The following SLC9C2 variants were observed in gnomAD, a reference collection of about 807,000 sequenced individuals.
The protein encoded by SLC9C2 is sodium/hydrogen exchanger 11.
SLC9C2 carries 75 observed loss-of-function variants against 140.2 expected under a neutral mutation model. The observed-to-expected ratio is 0.53, with a 90% CI of 0.44 to 0.65. SLC9C2 has a LOEUF of 0.65. Among genes scored for constraint, SLC9C2 ranks in the 30% least tolerant of loss-of-function variants. The pLI is 0.00. For missense variants in SLC9C2, 1,074 were observed against 1,331.8 expected (o/e 0.81, Z 3.01); for synonymous variants, 375 against 420.9 (o/e 0.89, Z 1.34).
At chr1:173,574,683 T>C (rs1181224338) in intron 8 of SLC9C2, among the ~76,000 whole-genome samples, 1 of 151,572 alleles carries the variant, frequency 6.6e-6, no homozygotes, top group African/African-American at 2.4e-5. Context: ...GCTAATTTTT[T>C]GTATTTTTAG....
chr1:173,508,017 C>G (rs527296305), intron 24 of SLC9C2, among the ~76,000 whole-genome samples: 1 of 152,266 alleles, frequency 6.6e-6, no homozygotes, highest in Non-Finnish European at 1.5e-5. Flanking sequence ...TCTCCACCCC[C>G]ATTCAGGGCA....
rs372859790 is a variant in SLC9C2, at chr1:173,529,954, T to A, written c.2264A>T (p.Asp755Val). Residue 755 changes from aspartate (D) to valine (V), a missense_variant, in exon 18 of 28, where the codon GAT becomes GTT. By Grantham distance (152) the Asp-to-Val change is radical. Coordinates refer to ENST00000367714, the MANE Select transcript of SLC9C2 (RefSeq NM_178527.4). ...TATTTGTTTTATTAGAAGTTTGGCA[T>A]CTTCTTGACTTTTGATATAGCCTTT... is the stretch of plus-strand genomic sequence containing the variant. Reference protein sequence around the residue: ...ITKGYIKSQEDAKLLIKQIAV... With the variant: ...ITKGYIKSQEVAKLLIKQIAV... 1 of 1,612,598 alleles carries A rather than the reference T, an allele frequency of 6.2e-7. No homozygotes were observed. The highest frequency in any genetic ancestry group is 8.5e-7 in the Non-Finnish European group (1 of 1,179,696).
intron 3 of SLC9C2, among the ~76,000 whole-genome samples, chr1:173,598,986 A>G (rs1666600512): frequency 6.6e-6 from 1 of 152,244 alleles, no homozygotes; most frequent in African/African-American, 2.4e-5. Flanking sequence ...TAGGTTAATG[A>G]ATGAATGAAT....
At chr1:173,530,091 T>G in intron 17 of SLC9C2, 37 bp from the exon 18 acceptor site, 1 of 1,556,324 alleles carries the variant, frequency 6.4e-7, no homozygotes, top group Non-Finnish European at 8.6e-7. Context: ...AACCTGTACA[T>G]TTGATGAGGA....
chr1:173,523,342 A>G (rs946887644), intron 21 of SLC9C2, among the ~76,000 whole-genome samples: 2 of 152,226 alleles, frequency 1.3e-5, no homozygotes, highest in Non-Finnish European at 2.9e-5. Flanking sequence ...ACTGCACTCC[A>G]GCCTGGGCGG....
chr1:173,549,061 G>A (rs1663070949), intron 11 of SLC9C2, among the ~76,000 whole-genome samples: 1 of 152,276 alleles, frequency 6.6e-6, no homozygotes, highest in African/African-American at 2.4e-5. Flanking sequence ...GAATCAATAT[G>A]TTCAAAATTT....
chr1:173,534,671 A>T lies in SLC9C2; in HGVS notation c.1787T>A (p.Phe596Tyr). 4 of 1,509,194 alleles carry T rather than the reference A, an allele frequency of 2.7e-6. No homozygotes were observed. Among genetic ancestry groups the T allele is most frequent in the Non-Finnish European group, 3.6e-6 (4 of 1,123,426 alleles). 93.5% of individuals were successfully genotyped at this position (1,509,194 alleles called of 1,614,324 possible). ...TACTATGTGAAATATAAAAGTCAGA[A>T]ATGTATTACTCCTGAAAAGAGATCA... The part of the protein sequence containing the change: ...IHFIPPESNT[F>Y]LTFIFHIVFS... Residue 596 changes from phenylalanine to tyrosine, a missense_variant, in exon 16 of 28, where the codon TTT becomes TAT. Transcript: ENST00000367714.
intron 25 of SLC9C2, among the ~76,000 whole-genome samples, chr1:173,505,854 A>G (rs1323342182): frequency 6.6e-6 from 1 of 152,136 alleles, no homozygotes; most frequent in Non-Finnish European, 1.5e-5. Context: ...TCTTACCATG[A>G]AGGAAATTGA....
chr1:173,521,994 C>G (rs1003827531), intron 21 of SLC9C2, among the ~76,000 whole-genome samples: 2 of 151,378 alleles, frequency 1.3e-5, no homozygotes, highest in African/African-American at 4.9e-5. Flanking sequence ...GTCAGGAGAT[C>G]GAGACCATCC....
At chr1:173,538,316 C>T (rs1662121668) in intron 13 of SLC9C2, among the ~76,000 whole-genome samples, 1 of 152,192 alleles carries the variant, frequency 6.6e-6, no homozygotes, top group South Asian at 2.1e-4. Context: ...TGAGGCCTAC[C>T]TCCAGTGTTT....
chr1:173,535,099 CA>C lies in SLC9C2; in HGVS notation c.1776-418del, dbSNP rs374387396. ...TCATTCCATCTAATGTACAGCATGA[CA>C]AAAAGAAATTCTTTGGATATATGTC... On this transcript the variant is annotated intron_variant, in intron 15 of 27. Coordinates refer to ENST00000367714, the MANE Select transcript of SLC9C2 (RefSeq NM_178527.4). Among the ~76,000 whole-genome samples, 520 of 152,002 alleles carry C rather than the reference CA, an allele frequency of 3.4e-3. 27 individuals carry two copies. The East Asian group carries it at 0.086, about 25-fold the overall frequency.
Position 173,557,428 on chromosome 1 carries a change from G to A in SLC9C2, c.1127C>T (p.Thr376Met), listed in dbSNP as rs756767607. 3.1e-6 allele frequency: 5 copies of A among 1,613,614 alleles called. No homozygotes were observed. In the South Asian group the frequency reaches 3.3e-5, roughly 11 times the overall value. ...AAAAACTCCTTTAATTCCAGACCAC[G>A]TGATTACAACTCCCCATCGCCAATT... is the stretch of plus-strand genomic sequence containing the variant. The part of the protein sequence containing the change: ...EYNWRWGVVI[T>M]WSGIKGVFNL... The change falls in exon 10 of 28, where the codon ACG becomes ATG. Residue 376 changes from threonine to methionine, a missense_variant. Transcript: ENST00000367714.
Position 173,601,857 on chromosome 1 carries a change from T to G in SLC9C2, c.-79-2A>C. 2 of 1,507,106 alleles carry G rather than the reference T, an allele frequency of 1.3e-6. No individual in the cohort carries two copies. The highest frequency in any genetic ancestry group is 1.8e-6 in the Non-Finnish European group (2 of 1,111,888). The allele number at this position is 1,507,106 out of a possible 1,614,324, so 93.4% of individuals were successfully genotyped here. A position where few individuals can be genotyped will look rare whatever the true frequency, so the allele number is the denominator to read the frequency against. ...ACACTTTCACTTCTGCATGCTAACC[T>G]GTATAGCATGCAAAAAGAACATGAG... On this transcript the variant is annotated splice_acceptor_variant, in intron 1 of 27. Coordinates refer to ENST00000367714, the MANE Select transcript of SLC9C2 (RefSeq NM_178527.4). LOFTEE classifies it low-confidence loss of function (5UTR_SPLICE).
At chr1:173,578,075 A>T (rs1441716553) in intron 7 of SLC9C2, among the ~76,000 whole-genome samples, 1 of 152,218 alleles carries the variant, frequency 6.6e-6, no homozygotes, top group Non-Finnish European at 1.5e-5. Flanking sequence ...TTTTAAAACA[A>T]TTATAAAGAT....
At chr1:173,577,033 A>G (rs1260429526) in intron 7 of SLC9C2, among the ~76,000 whole-genome samples, 1 of 152,250 alleles carries the variant, frequency 6.6e-6, no homozygotes, top group Non-Finnish European at 1.5e-5. Context: ...AGCCATAGAT[A>G]ATATGTAAAT....
chr1:173,588,256 A>C (rs1004312825), intron 4 of SLC9C2, among the ~76,000 whole-genome samples: 4 of 152,194 alleles, frequency 2.6e-5, no homozygotes, highest in Non-Finnish European at 5.9e-5. Context: ...ACCTTTTATT[A>C]GTTGTAAAAT....
Position 173,524,699 on chromosome 1 carries a change from TCAA to T in SLC9C2, c.2514+77_2514+79del. On this transcript the variant is annotated intron_variant, in intron 20 of 27. Transcript: ENST00000367714. Reference sequence around the variant, plus strand: ...TAACACCTGTGGTTAAACAATTTTTTCAATCTCCCTCCTTATTACACACTGCTA... The same window carrying T: ...TAACACCTGTGGTTAAACAATTTTTTTCTCCCTCCTTATTACACACTGCTA... The T allele has an allele frequency of 3.3e-6, 5 of 1,495,740 alleles. No homozygotes were observed. The Admixed American group carries it at 6.0e-5, about 18-fold the overall frequency. 92.7% of individuals were successfully genotyped at this position (1,495,740 alleles called of 1,614,324 possible). A position where few individuals can be genotyped will look rare whatever the true frequency, so the allele number is the denominator to read the frequency against.
chr1:173,565,775 T>C (rs1056124695), intron 9 of SLC9C2, among the ~76,000 whole-genome samples: 3 of 152,236 alleles, frequency 2.0e-5, no homozygotes, highest in Non-Finnish European at 4.4e-5. Context: ...AGAGGTTGCA[T>C]TGAATCTCTA....
At position 173,586,503 on chromosome 1, in the gene SLC9C2, G is replaced by A. The variant is rs952906430; in HGVS notation, c.523+1162C>T. ...ACTGCTGTGTTAATAAAACCTGACC[G>A]TTTGACCCAGCAATCCCATTACTGG... is the stretch of plus-strand genomic sequence containing the variant. On this transcript the variant is annotated intron_variant, in intron 5 of 27. Coordinates refer to ENST00000367714, the MANE Select transcript of SLC9C2 (RefSeq NM_178527.4). Among the ~76,000 whole-genome samples the A allele has an allele frequency of 3.3e-5, 5 of 152,082 alleles. No individual in the cohort carries two copies. The South Asian group carries it at 1.0e-3, about 32-fold the overall frequency.
Sources: gnomAD v4.1 joint callset for allele counts (sites outside exome capture counted in the v4.1 genomes callset) on GRCh38, gnomAD v4.1.1 for gene constraint, MANE v1.5 for transcripts, NCBI Gene and HGNC (gene_info 2026-07-23, HGNC 2026-07-21) for gene names.